Variants in PLEKHA5 observed in about 807,000 individuals in gnomAD.
PLEKHA5 encodes pleckstrin homology domain-containing family A member 5.
In PLEKHA5, 55 loss-of-function variants were observed where a neutral mutation model predicts 181.9. That is an observed-to-expected ratio of 0.30 (90% CI 0.24 to 0.38). PLEKHA5 has a LOEUF of 0.38. PLEKHA5 is among the 10% of genes least tolerant of loss of function. The pLI is 1.00. For synonymous variants in PLEKHA5, 535 were observed against 529.4 expected (o/e 1.01, Z -0.15); for missense variants, 1,432 against 1,549.5 (o/e 0.92, Z 1.27).
intron 15 of PLEKHA5, among the ~76,000 whole-genome samples, chr12:19,297,784 T>G (rs897220664): frequency 4.0e-5 from 6 of 149,724 alleles, no homozygotes; most frequent in Non-Finnish European, 5.9e-5. Flanking sequence ...ATGAAAAACA[T>G]TTCATGTTTA....
intron 3 of PLEKHA5, among the ~76,000 whole-genome samples, chr12:19,213,303 T>C (rs1485201373): frequency 4.9e-5 from 2 of 41,188 alleles, no homozygotes; most frequent in African/African-American, 8.7e-5. Flanking sequence ...CATGGTTTCT[T>C]TGAAAAAAAA....
chr12:19,146,518 C>T (rs1027409954), intron 3 of PLEKHA5, among the ~76,000 whole-genome samples: 1 of 152,094 alleles, frequency 6.6e-6, no homozygotes, highest in East Asian at 1.9e-4. Context: ...CCCTCAAGTA[C>T]GAACATTATA....
At chr12:19,316,852 T>C (rs1304296861) in intron 16 of PLEKHA5, among the ~76,000 whole-genome samples, 1 of 152,252 alleles carries the variant, frequency 6.6e-6, no homozygotes, top group Non-Finnish European at 1.5e-5. Flanking sequence ...AGGGAAAATG[T>C]ACTGCTACAG....
In PLEKHA5 at chr12:19,290,677, C is replaced by T. The variant is rs1193233047; in HGVS notation, c.1864C>T (p.Pro622Ser). The T allele has an allele frequency of 6.5e-7, 1 of 1,533,694 alleles. No individual in the cohort carries two copies. Among genetic ancestry groups the T allele is most frequent in the Non-Finnish European group, 8.7e-7 (1 of 1,145,254 alleles). ...VSPQSLQGKT[P>S]EELTLLLIKL... ...GGATTCTTAAATTGTACTCCTTCAG[C>T]CAGAGGAGCTTACGCTGCTGCTAAT... Residue 622 changes from proline (P) to serine (S), a missense_variant and splice_region_variant, in exon 14 of 32, where the codon CCA becomes TCA. Physicochemically the swap from Pro to Ser is moderately conservative, Grantham distance 74 (BLOSUM62 -1). Around this residue, in one of 2 missense-constraint regions of PLEKHA5, gnomAD observed 1,143 missense variants for 1,168.4 expected, o/e 0.98. Transcript: ENST00000429027.
At chr12:19,249,070 T>C (rs1442206206) in intron 3 of PLEKHA5, among the ~76,000 whole-genome samples, 1 of 152,228 alleles carries the variant, frequency 6.6e-6, no homozygotes, top group Non-Finnish European at 1.5e-5. Context: ...TGCTGATTCA[T>C]GCCTGTAATC....
chr12:19,285,554 G>A (rs912887494), intron 12 of PLEKHA5, among the ~76,000 whole-genome samples: 10 of 152,166 alleles, frequency 6.6e-5, no homozygotes, highest in African/African-American at 2.4e-4. Flanking sequence ...CTATTTTTAT[G>A]ATCATAATAA....
intron 3 of PLEKHA5, among the ~76,000 whole-genome samples, chr12:19,250,824 GCAA>G (rs2065079041): frequency 6.6e-6 from 1 of 151,956 alleles, no homozygotes; most frequent in South Asian, 2.1e-4. Context: ...AATACGTATT[GCAA>G]AAATATAGCA....
intron 3 of PLEKHA5, among the ~76,000 whole-genome samples, chr12:19,242,042 T>A (rs187121969): frequency 6.6e-6 from 1 of 152,292 alleles, no homozygotes; most frequent in African/African-American, 2.4e-5. Context: ...GTGAAAGAAT[T>A]ATCTAAATTA....
intron 25 of PLEKHA5, among the ~76,000 whole-genome samples, chr12:19,352,137 A>G (rs2153222314): frequency 6.6e-6 from 1 of 151,180 alleles, no homozygotes; most frequent in African/African-American, 2.4e-5. Context: ...TAATCCCAGC[A>G]CTTTGGGAAG....
chr12:19,215,661 G>A (rs768951891), intron 3 of PLEKHA5, among the ~76,000 whole-genome samples: 2 of 152,120 alleles, frequency 1.3e-5, no homozygotes, highest in East Asian at 3.9e-4. Context: ...AAAAATTTTA[G>A]CAGTTTTAAA....
chr12:19,333,419 A>G (rs2093046357), intron 20 of PLEKHA5, among the ~76,000 whole-genome samples: 1 of 151,620 alleles, frequency 6.6e-6, no homozygotes, highest in Non-Finnish European at 1.5e-5. Flanking sequence ...CTCTACTAAA[A>G]ATAAAAAAAA....
chr12:19,334,769 A>G (rs1392714731), intron 20 of PLEKHA5, among the ~76,000 whole-genome samples: 1 of 139,316 alleles, frequency 7.2e-6, no homozygotes, highest in Non-Finnish European at 1.6e-5. Context: ...ATCACTTGAG[A>G]CCAGCAGTTA....
intron 3 of PLEKHA5, among the ~76,000 whole-genome samples, chr12:19,203,862 C>A (rs1374825319): frequency 6.6e-6 from 1 of 151,610 alleles, no homozygotes; most frequent in Non-Finnish European, 1.5e-5. Context: ...TTATTTGTTT[C>A]TTTTTAGTGA....
At chr12:19,358,124 T>C (rs1388711638) in intron 26 of PLEKHA5, 104 bp from the exon 27 acceptor site, 2 of 782,510 alleles carry the variant, frequency 2.6e-6, no homozygotes, top group East Asian at 2.7e-5. Context: ...CTTCTTGTGA[T>C]TTTGAAAACA....
intron 15 of PLEKHA5, chr12:19,306,532 C>T (rs562452481): frequency 6.7e-5 from 50 of 743,720 alleles, no homozygotes; most frequent in East Asian, 5.5e-5. Context: ...GGGAGAACGC[C>T]GCGAGCAGCG....
intron 3 of PLEKHA5, among the ~76,000 whole-genome samples, chr12:19,142,637 T>A (rs2037728297): frequency 6.6e-6 from 1 of 152,194 alleles, no homozygotes; most frequent in Non-Finnish European, 1.5e-5. Flanking sequence ...ACATGTTTGA[T>A]GTACGTAATG....
Position 19,130,138 on chromosome 12 carries a change from C to T in PLEKHA5, c.169+8C>T. The T allele has an allele frequency of 1.3e-6, 2 of 1,543,506 alleles. No individual in the cohort carries two copies. The highest frequency in any genetic ancestry group is 8.7e-7 in the Non-Finnish European group (1 of 1,143,706). ...ACCGGCGGCAGAGCACAGGTAACGCCGGGCCCAAACGGAGTTGGGCTCCGC... is the reference window on the plus strand; with the variant it reads ...ACCGGCGGCAGAGCACAGGTAACGCTGGGCCCAAACGGAGTTGGGCTCCGC... On this transcript the variant is annotated splice_region_variant and intron_variant, in intron 2 of 31. Transcript: ENST00000429027. The surrounding 1 kb of genome is among the most constrained non-coding windows in gnomAD (Gnocchi z 4.5).
chr12:19,172,274 G>T (rs1356943475), intron 3 of PLEKHA5, among the ~76,000 whole-genome samples: 2 of 152,164 alleles, frequency 1.3e-5, no homozygotes, highest in African/African-American at 4.8e-5. Flanking sequence ...ACTTAACCAG[G>T]TGGTAGGAAT....
chr12:19,374,434 C>T (rs1264192059), intron 31 of PLEKHA5, among the ~76,000 whole-genome samples: 3 of 151,952 alleles, frequency 2.0e-5, no homozygotes, highest in Non-Finnish European at 2.9e-5. Flanking sequence ...CCGAGGCGGG[C>T]GGAACACAAG....
Sources: allele counts gnomAD v4.1 joint callset (sites outside exome capture counted in the v4.1 genomes callset), GRCh38; gene constraint gnomAD v4.1.1; regional missense constraint gnomAD v4.1.1; non-coding constraint Gnocchi (gnomAD v3.1); transcripts MANE v1.5; gene names NCBI Gene and HGNC (gene_info 2026-07-23, HGNC 2026-07-21).